Variants in LTBP1 observed in about 807,000 individuals in gnomAD.
LTBP1 encodes latent transforming growth factor beta binding protein 1.
In LTBP1, 129 loss-of-function variants were observed where a neutral mutation model predicts 207.6. The ratio of observed to expected loss-of-function variants is 0.62; its 90% CI spans 0.54 to 0.72. The LOEUF is 0.72. Among genes scored for constraint, LTBP1 ranks in the 30% least tolerant of loss-of-function variants. The pLI, the probability that LTBP1 is intolerant of heterozygous loss-of-function variation, is 0.00. For missense variants in LTBP1, 2,281 were observed against 2,217.2 expected, an observed-to-expected ratio of 1.03 and a Z score of -0.58; for synonymous variants, 963 against 833.7, an observed-to-expected ratio of 1.16 and a Z score of -2.67.
intron 9 of LTBP1, among the ~76,000 whole-genome samples, chr2:33,238,480 T>C (rs1374238348): frequency 6.6e-6 from 1 of 152,214 alleles, no homozygotes; most frequent in Admixed American, 6.5e-5. Context: ...CCTGGCATTT[T>C]CAGCCCTGGC....
chr2:33,302,630 G>A (rs914547486), intron 22 of LTBP1, among the ~76,000 whole-genome samples: 5 of 152,066 alleles, frequency 3.3e-5, no homozygotes, highest in East Asian at 1.9e-4. Flanking sequence ...CCCAACCCTC[G>A]GGAAGGCAAT....
rs1286586578 is a variant in LTBP1, at chr2:33,170,878, G to A, written c.1202-15978G>A. Among the ~76,000 whole-genome samples, 69 of 152,232 alleles carry A rather than the reference G, an allele frequency of 4.5e-4. 1 individual carries two copies. The highest frequency in any genetic ancestry group is 1.5e-3 in the African/African-American group (63 of 41,530). On this transcript the variant is annotated intron_variant, in intron 5 of 33. Transcript: ENST00000404816. Reference sequence around the variant, plus strand: ...GAAAATCTGCTGTTCTACAGCCACCGCTGCTGGTACCCAGGCAAACAGGGT... The same window carrying A: ...GAAAATCTGCTGTTCTACAGCCACCACTGCTGGTACCCAGGCAAACAGGGT...
chr2:33,082,807 T>C (rs777656453), intron 3 of LTBP1, among the ~76,000 whole-genome samples: 1 of 152,206 alleles, frequency 6.6e-6, no homozygotes, highest in Non-Finnish European at 1.5e-5. Flanking sequence ...TATTCTTCTT[T>C]TGAGGTCATC....
At chr2:33,233,180 G>T (rs1444075678) in intron 9 of LTBP1, among the ~76,000 whole-genome samples, 1 of 152,088 alleles carries the variant, frequency 6.6e-6, no homozygotes, top group African/African-American at 2.4e-5. Context: ...ACAAAAGTTG[G>T]AGTGTGTTTT....
chr2:33,367,290 T>C (rs573727133), intron 31 of LTBP1, among the ~76,000 whole-genome samples: 4 of 152,304 alleles, frequency 2.6e-5, no homozygotes, highest in Admixed American at 2.6e-4. Context: ...TAACATCTGT[T>C]ATATCAAGAT....
At chr2:33,326,577 C>A (rs559814011) in intron 24 of LTBP1, among the ~76,000 whole-genome samples, 11 of 151,980 alleles carry the variant, frequency 7.2e-5, no homozygotes, top group African/African-American at 2.7e-4. Context: ...AAGAGAGAAT[C>A]TTCTATACAT....
At position 33,342,795 on chromosome 2, in the gene LTBP1, C is replaced by T. The variant is rs111742643; in HGVS notation, c.3731-43C>T. ...TCCATTAATATCTGGTGTTTGTCAG[C>T]CTGTGTTTGTTTTGTGTCTGATGTT... On this transcript the variant is annotated intron_variant, in intron 24 of 33. Coordinates refer to ENST00000404816, the MANE Select transcript of LTBP1 (RefSeq NM_206943.4). The T allele has an allele frequency of 8.7e-5, 140 of 1,600,558 alleles. 4 individuals carry two copies. In the Middle Eastern group the frequency reaches 1.8e-3, roughly 21 times the overall value.
At chr2:33,373,815 A>C (rs962357155) in intron 31 of LTBP1, among the ~76,000 whole-genome samples, 2 of 152,178 alleles carry the variant, frequency 1.3e-5, no homozygotes, top group African/African-American at 4.8e-5. Flanking sequence ...TATTTAATGA[A>C]ATGCATAATT....
At chr2:33,362,463 C>G (rs1294854626) in intron 28 of LTBP1, among the ~76,000 whole-genome samples, 1 of 152,100 alleles carries the variant, frequency 6.6e-6, no homozygotes, top group African/African-American at 2.4e-5. Context: ...GTAGTTAAAT[C>G]TCACTTCATA....
chr2:33,241,865 C>A (rs186530773), intron 9 of LTBP1, among the ~76,000 whole-genome samples: 2 of 152,058 alleles, frequency 1.3e-5, no homozygotes, highest in Non-Finnish European at 2.9e-5. Flanking sequence ...GAATGAGTTA[C>A]GGGGGAATAT....
rs546400656 is a variant in LTBP1 at position 33,258,675 on chromosome 2, T to C, written c.2396-913T>C. 4.6e-5 allele frequency among the ~76,000 whole-genome samples: 7 copies of C among 152,332 alleles called. No individual in the cohort carries two copies. The East Asian group carries it at 1.4e-3, about 29-fold the overall frequency. ...ATGGGCCGTAGTTCCAGATTTTGCC[T>C]CAAGACCTTCTTCGTGGTAGGTTAG... On this transcript the variant is annotated intron_variant, in intron 12 of 33. Transcript: ENST00000404816.
chr2:33,063,520 A>G (rs1341158053), intron 3 of LTBP1, among the ~76,000 whole-genome samples: 2 of 152,166 alleles, frequency 1.3e-5, no homozygotes, highest in African/African-American at 4.8e-5. Flanking sequence ...TTATTTTAAC[A>G]TTTAATGGGC....
intron 18 of LTBP1, 81 bp from the exon 19 acceptor site, chr2:33,279,958 C>A: frequency 6.8e-7 from 1 of 1,476,614 alleles, no homozygotes; most frequent in Admixed American, 1.8e-5. Flanking sequence ...ACATGCTTTC[C>A]CCCGCTGCCT....
chr2:33,037,494 G>A (rs2075981927), intron 3 of LTBP1, among the ~76,000 whole-genome samples: 2 of 152,076 alleles, frequency 1.3e-5, no homozygotes, highest in Admixed American at 6.6e-5. Flanking sequence ...TTTCCTTAGT[G>A]TATGTTGTCT....
At chr2:33,075,017 C>T (rs186908720) in intron 3 of LTBP1, among the ~76,000 whole-genome samples, 4 of 152,244 alleles carry the variant, frequency 2.6e-5, no homozygotes, top group African/African-American at 7.2e-5. Context: ...CACCACTGCA[C>T]TCCAGCCTGG....
intron 5 of LTBP1, among the ~76,000 whole-genome samples, chr2:33,159,821 C>A (rs1174203672): frequency 2.6e-5 from 4 of 152,220 alleles, no homozygotes; most frequent in African/African-American, 7.2e-5. Flanking sequence ...ATCCCAAGAC[C>A]AATGGGTATA....
rs762837064 is a variant in LTBP1, at chr2:33,301,617, G to A, written c.3454G>A (p.Ala1152Thr). The change falls in exon 22 of 34, where the codon GCA (alanine) becomes ACA (threonine). Residue 1152 changes from alanine to threonine, a missense_variant. Transcript: ENST00000404816. Reference protein sequence around the residue: ...FQCVCDQGYRASGLGDHCEDI... With the variant: ...FQCVCDQGYRTSGLGDHCEDI... ...ATGTGTGTGTGACCAGGGTTACAGAGCATCTGGGCTTGGAGACCACTGTGA... is the reference window on the plus strand; with the variant it reads ...ATGTGTGTGTGACCAGGGTTACAGAACATCTGGGCTTGGAGACCACTGTGA... 3.7e-6 allele frequency: 6 copies of A among 1,609,240 alleles called. No homozygotes were observed. The African/African-American group carries it at 4.0e-5, about 11-fold the overall frequency.
In LTBP1 at chr2:33,338,660, G is replaced by A. The variant is rs188018237; in HGVS notation, c.3731-4178G>A. Among the ~76,000 whole-genome samples, 370 of 152,258 alleles carry A rather than the reference G, an allele frequency of 2.4e-3. 7 individuals are homozygous for A. Among genetic ancestry groups the A allele is most frequent in the South Asian group, 2.1e-3 (10 of 4,826 alleles). On this transcript the variant is annotated intron_variant, in intron 24 of 33. Transcript: ENST00000404816. Reference sequence around the variant, plus strand: ...CTGCAGAGGAGGTGTCTCTTGGGCTGACTCCTGAAGGGCCAAGAGGCATTT... The same window carrying A: ...CTGCAGAGGAGGTGTCTCTTGGGCTAACTCCTGAAGGGCCAAGAGGCATTT...
chr2:33,266,121 A>C (rs1044371826), intron 15 of LTBP1, among the ~76,000 whole-genome samples: 9 of 151,978 alleles, frequency 5.9e-5, no homozygotes, highest in Non-Finnish European at 1.0e-4. Flanking sequence ...GCCTGCTGTC[A>C]CTCCTTGGCC....
Sources: allele counts gnomAD v4.1 joint callset (sites outside exome capture counted in the v4.1 genomes callset), GRCh38; gene constraint gnomAD v4.1.1; transcripts MANE v1.5; gene names NCBI Gene and HGNC (gene_info 2026-07-23, HGNC 2026-07-21).